Variants in NAV1 observed in about 807,000 individuals in gnomAD.
NAV1 encodes the protein pore membrane and/or filament interacting like protein 3.
In NAV1, 18 loss-of-function variants were observed where a neutral mutation model predicts 175.2. The observed-to-expected ratio is 0.10, with a 90% CI of 0.07 to 0.15. NAV1 has a LOEUF of 0.15. Among genes scored for constraint, NAV1 ranks in the 10% least tolerant of loss-of-function variants. NAV1 has a pLI of 1.00. For missense variants in NAV1, 1,731 were observed against 2,436.6 expected, an observed-to-expected ratio of 0.71 and a Z score of 6.10; for synonymous variants, 897 against 978.7, an observed-to-expected ratio of 0.92 and a Z score of 1.56.
At chr1:201,713,629 G>C (rs1672004993) in intron 2 of NAV1, among the ~76,000 whole-genome samples, 1 of 152,232 alleles carries the variant, frequency 6.6e-6, no homozygotes, top group Non-Finnish European at 1.5e-5. Flanking sequence ...AGCTCATGCT[G>C]TCAGCTCCAA....
At chr1:201,585,582 A>G (rs1571833196) in intron 1 of NAV1, among the ~76,000 whole-genome samples, 1 of 152,200 alleles carries the variant, frequency 6.6e-6, no homozygotes, top group African/African-American at 2.4e-5. Flanking sequence ...AGGGTCTAGT[A>G]TGTGGAAAAT....
chr1:201,775,274 G>C (rs1211540647), intron 3 of NAV1, among the ~76,000 whole-genome samples: 1 of 152,156 alleles, frequency 6.6e-6, no homozygotes, highest in Admixed American at 6.5e-5. Context: ...AAGGGAGAGG[G>C]GAATAAATAA....
rs1558032154 is a variant in NAV1, at chr1:201,643,034, A to T, written c.5-5600A>T. Among the ~76,000 whole-genome samples the T allele has an allele frequency of 2.0e-5, 3 of 151,714 alleles. No individual in the cohort carries two copies. In the East Asian group the frequency reaches 5.9e-4, roughly 30 times the overall value. ...CGTGATCCGTCCGCCTTGGCCTCCC[A>T]AAGTGCTGGGATTACAGGTGTGAGC... On this transcript the variant is annotated intron_variant, in intron 2 of 29. Transcript: ENST00000367302.
At chr1:201,651,718 C>T (rs909836682) in intron 1 of NAV1, among the ~76,000 whole-genome samples, 4 of 152,044 alleles carry the variant, frequency 2.6e-5, no homozygotes, top group African/African-American at 7.3e-5. Flanking sequence ...GGGACCTGCC[C>T]AAGGCTATGT....
At chr1:201,675,150 C>T (rs565175001) in intron 1 of NAV1, among the ~76,000 whole-genome samples, 2 of 152,264 alleles carry the variant, frequency 1.3e-5, no homozygotes, top group South Asian at 4.2e-4. Context: ...ATGACCTTTC[C>T]ACATGAGATT....
intron 1 of NAV1, among the ~76,000 whole-genome samples, chr1:201,573,544 C>T (rs1666608117): frequency 6.6e-6 from 1 of 152,200 alleles, no homozygotes; most frequent in Admixed American, 6.5e-5. Context: ...TCACACACCC[C>T]CTCCCTGCCT....
At chr1:201,753,993 G>A (rs917548604) in intron 3 of NAV1, among the ~76,000 whole-genome samples, 4 of 152,156 alleles carry the variant, frequency 2.6e-5, no homozygotes, top group Admixed American at 2.0e-4. Flanking sequence ...GCTGGAATCT[G>A]GGAACTTGCA....
chr1:201,756,888 G>T (rs239976), intron 3 of NAV1, among the ~76,000 whole-genome samples: 135,043 of 146,010 alleles, frequency 0.92, 62,752 homozygotes, highest in Non-Finnish European at 0.99. Flanking sequence ...TTCTTTCTCT[G>T]TCTTTCTCCC....
chr1:201,600,047 T>G (rs1386339471), intron 2 of NAV1, among the ~76,000 whole-genome samples: 1 of 152,080 alleles, frequency 6.6e-6, no homozygotes, highest in Non-Finnish European at 1.5e-5. Context: ...AGAGGAAGGG[T>G]CTTAAGCAAA....
Position 201,789,799 on chromosome 1 carries a change from G to A in NAV1, c.3219+7G>A. 6.2e-7 allele frequency: 1 copy of A among 1,613,300 alleles called. No individual in the cohort carries two copies. The highest frequency in any genetic ancestry group is 8.5e-7 in the Non-Finnish European group (1 of 1,179,256). On this transcript the variant is annotated splice_region_variant and intron_variant, in intron 11 of 29. Transcript: ENST00000367296. ...CTCCTCCACCTACTCCTCAGTAAGA[G>A]CATTAACTTCTCTTCCCCTCTCATC...
In NAV1 at chr1:201,693,695, C is replaced by T. The variant is rs116416857; in HGVS notation, c.758-19122C>T. Among the ~76,000 whole-genome samples, 1,272 of 152,046 alleles carry T rather than the reference C, an allele frequency of 8.4e-3. 13 individuals are homozygous for T. Among genetic ancestry groups the T allele is most frequent in the African/African-American group, 0.029 (1,202 of 41,468 alleles). On this transcript the variant is annotated intron_variant, in intron 1 of 29. Transcript: ENST00000367296. ...CTGGGGAGAAGTGCCCCAGCAGGGA[C>T]GGTCTTTTAGATGGAAGCCGTAGGA...
Position 201,782,315 on chromosome 1 carries a change from T to C in NAV1, c.1803T>C (p.Thr601=), listed in dbSNP as rs1571487630. ...CCTCGGGCATTGCTCGCCCCTCCAC[T>C]TCGGGATCCTTTGGCTACAAGAAGC... Residue 601 remains threonine (T), a synonymous_variant, in exon 6 of 30, where the codon ACT becomes ACC. Transcript: ENST00000367296. The surrounding 1 kb of genome is among the most constrained non-coding windows in gnomAD (Gnocchi z 5.4). 17 of 1,614,150 alleles carry C rather than the reference T, an allele frequency of 1.1e-5. No homozygotes were observed. Among genetic ancestry groups the C allele is most frequent in the Non-Finnish European group, 1.4e-5 (17 of 1,180,036 alleles).
At chr1:201,579,860 TG>T (rs1666798409) in intron 1 of NAV1, among the ~76,000 whole-genome samples, 1 of 152,194 alleles carries the variant, frequency 6.6e-6, no homozygotes, top group African/African-American at 2.4e-5. Flanking sequence ...CATGTGATTT[TG>T]GAGGCTGAGA....
intron 29 of NAV1, among the ~76,000 whole-genome samples, chr1:201,818,031 G>A (rs931414557): frequency 2.0e-5 from 3 of 151,814 alleles, no homozygotes; most frequent in African/African-American, 4.8e-5. Context: ...AGGAGTGCAA[G>A]ACCAACCTGG....
chr1:201,712,984 G>C (rs1671975641), intron 2 of NAV1, 65 bp downstream of exon 6: 12 of 1,300,310 alleles, frequency 9.2e-6, no homozygotes, highest in Non-Finnish European at 1.3e-5. Flanking sequence ...CATTCTGGAG[G>C]GCAGGGCCCC....
chr1:201,582,126 C>T (rs568434890), intron 1 of NAV1, among the ~76,000 whole-genome samples: 2 of 152,286 alleles, frequency 1.3e-5, no homozygotes, highest in East Asian at 1.9e-4. Flanking sequence ...AACAGAGCTG[C>T]CATGTTTCAC....
chr1:201,586,408 A>G (rs146377280), intron 1 of NAV1, among the ~76,000 whole-genome samples: 12 of 152,360 alleles, frequency 7.9e-5, no homozygotes, highest in African/African-American at 1.2e-4. Context: ...AACTTTGACT[A>G]TACTTAATCA....
chr1:201,810,812 A>AAG lies in NAV1; in HGVS notation c.4797+56_4797+57dup, dbSNP rs570442962. 1 of 1,410,866 alleles carries AAG rather than the reference A, an allele frequency of 7.1e-7. No individual in the cohort carries two copies. The highest frequency in any genetic ancestry group is 1.2e-5 in the South Asian group (1 of 82,780). 87.4% of individuals were successfully genotyped at this position (1,410,866 alleles called of 1,614,324 possible). A position where few individuals can be genotyped will look rare whatever the true frequency, so the allele number is the denominator to read the frequency against. On this transcript the variant is annotated intron_variant, in intron 24 of 29. Coordinates refer to ENST00000367296, the Ensembl canonical transcript of NAV1. The surrounding 1 kb of genome is among the most constrained non-coding windows in gnomAD (Gnocchi z 6.0). ...CTTTGTTCATGCCTCAGCCTTCCCT[A>AAG]AGACCCTTCCTCGGCCCCTTCCTGC...
chr1:201,804,534 T>C, intron 17 of NAV1, 37 bp downstream of exon 21: 1 of 1,497,358 alleles, frequency 6.7e-7, no homozygotes, highest in Non-Finnish European at 9.0e-7. Flanking sequence ...ATTTTCTCTT[T>C]CCCTTTGCCA....
Sources: allele counts gnomAD v4.1 joint callset (sites outside exome capture counted in the v4.1 genomes callset), GRCh38; gene constraint gnomAD v4.1.1; non-coding constraint Gnocchi (gnomAD v3.1); transcripts MANE v1.5; gene names NCBI Gene and HGNC (gene_info 2026-07-23, HGNC 2026-07-21).